Variants in MAPK10 observed in about 807,000 individuals in gnomAD.
MAPK10 encodes the protein JNK3 alpha protein kinase.
In MAPK10, 25 loss-of-function variants were observed where a neutral mutation model predicts 59.3. The observed-to-expected ratio is 0.42, with a 90% confidence interval of 0.31 to 0.59. The LOEUF (loss-of-function observed/expected upper bound fraction) is 0.59, where lower values mean the gene tolerates loss of function less well. Ranked by LOEUF, MAPK10 falls within the 20% of genes least tolerant of loss-of-function variation. The probability of loss-of-function intolerance (pLI) is 0.15; values close to 1 mark genes in which losing one functional copy is unlikely to be tolerated. For missense variants in MAPK10, 351 were observed against 568.9 expected, an observed-to-expected ratio of 0.62 and a Z score of 3.90; for synonymous variants, 190 against 200.5, an observed-to-expected ratio of 0.95 and a Z score of 0.44.
chr4:86,467,418 A>G (rs1752298506), intron 1 of MAPK10, among the ~76,000 whole-genome samples: 1 of 152,228 alleles, frequency 6.6e-6, no homozygotes. Context: ...TTTTGAAGCA[A>G]AAATGGCCAA....
At chr4:86,077,834 G>A (rs1299565876) in intron 9 of MAPK10, among the ~76,000 whole-genome samples, 1 of 152,066 alleles carries the variant, frequency 6.6e-6, no homozygotes, top group African/African-American at 2.4e-5. Flanking sequence ...TATCATGCAC[G>A]CCAAACAGCT....
At chr4:86,380,555 C>T (rs1740544466) in intron 1 of MAPK10, among the ~76,000 whole-genome samples, 1 of 152,176 alleles carries the variant, frequency 6.6e-6, no homozygotes, top group Non-Finnish European at 1.5e-5. Context: ...TTTCCAATCA[C>T]CAACCTTTAG....
chr4:86,534,775 A>C (rs1001949313), intron 1 of MAPK10, among the ~76,000 whole-genome samples: 1 of 152,014 alleles, frequency 6.6e-6, no homozygotes, highest in Non-Finnish European at 1.5e-5. Flanking sequence ...GCGTAGTGGC[A>C]CACACCTGTA....
chr4:86,517,294 G>C (rs1418097064), intron 1 of MAPK10, among the ~76,000 whole-genome samples: 2 of 14,664 alleles, frequency 1.4e-4, no homozygotes, highest in Non-Finnish European at 3.0e-4. Context: ...TTTTTTTTTT[G>C]AGACGGAGTC....
chr4:86,474,949 A>C (rs1055490108), intron 1 of MAPK10, among the ~76,000 whole-genome samples: 83 of 152,320 alleles, frequency 5.4e-4, no homozygotes, highest in Non-Finnish European at 9.8e-4. Context: ...CTTGCCTTAA[A>C]TGATGACATT....
chr4:86,361,702 T>G (rs1235822681), upstream of MAPK10, among the ~76,000 whole-genome samples: 1 of 151,974 alleles, frequency 6.6e-6, no homozygotes, highest in East Asian at 1.9e-4. Flanking sequence ...CTATTCAGAC[T>G]TATAAGAACA....
intron 1 of MAPK10, among the ~76,000 whole-genome samples, chr4:86,488,045 C>T (rs1754147347): frequency 6.6e-6 from 1 of 152,028 alleles, no homozygotes; most frequent in African/African-American, 2.4e-5. Context: ...AGAGGAGGCC[C>T]AGATGGGGAG....
rs2055283676 is a variant in MAPK10 at position 86,101,070 on chromosome 4, T to A, written c.712A>T (p.Met238Leu). Residue 238 changes from methionine to leucine, a missense_variant, in exon 8 of 14, where the codon ATG (methionine) becomes TTG (leucine). Transcript: ENST00000641462. ...YYRAPEVILG[M>L]GYKENVDIWS... is the part of the protein sequence containing the mutation. Reference sequence around the variant, plus strand: ...TCCCTACCGTTCTCCTTGTAGCCCATCCCCAGGATGACCTCAGGGGCTCTG... The same window carrying A: ...TCCCTACCGTTCTCCTTGTAGCCCAACCCCAGGATGACCTCAGGGGCTCTG... The A allele has an allele frequency of 6.2e-7, 1 of 1,613,644 alleles. No individual in the cohort carries two copies. Among genetic ancestry groups the A allele is most frequent in the African/African-American group, 1.3e-5 (1 of 74,872 alleles).
At chr4:86,471,353 T>C (rs1461704847) in intron 1 of MAPK10, among the ~76,000 whole-genome samples, 1 of 151,532 alleles carries the variant, frequency 6.6e-6, no homozygotes, top group African/African-American at 2.4e-5. Context: ...ATGGAGAAAT[T>C]ATCATTAAGG....
In MAPK10 at chr4:86,150,546, C is replaced by T. The variant is rs188019301; in HGVS notation, c.236+8752G>A. Among the ~76,000 whole-genome samples the T allele has an allele frequency of 2.1e-3, 326 of 152,306 alleles. 3 individuals carry two copies. The highest frequency in any genetic ancestry group is 7.4e-3 in the African/African-American group (309 of 41,564). On this transcript the variant is annotated intron_variant, in intron 4 of 13. Coordinates refer to ENST00000641462, the MANE Select transcript of MAPK10 (RefSeq NM_138982.4). ...GGTTGCCTCCCCAGAGCATCCTCCT[C>T]CACAGGGGTAATGTGATAGAATTGG...
At chr4:86,399,074 G>A (rs1193312616) in intron 1 of MAPK10, among the ~76,000 whole-genome samples, 7 of 152,282 alleles carry the variant, frequency 4.6e-5, no homozygotes, top group Middle Eastern at 6.8e-3. Flanking sequence ...ACACACATGC[G>A]TATGTCTTTT....
At chr4:86,035,136 C>T (rs1337459897) in intron 11 of MAPK10, among the ~76,000 whole-genome samples, 5 of 151,678 alleles carry the variant, frequency 3.3e-5, no homozygotes, top group African/African-American at 7.3e-5. Flanking sequence ...TCTGGGAGGC[C>T]GAGGTGGGTG....
chr4:86,509,912 T>C (rs1374563751), intron 1 of MAPK10, among the ~76,000 whole-genome samples: 1 of 152,230 alleles, frequency 6.6e-6, no homozygotes, highest in African/African-American at 2.4e-5. Context: ...ATTGTGTGCA[T>C]GTATATGTGT....
At chr4:86,219,446 A>T (rs531644220) in intron 2 of MAPK10, among the ~76,000 whole-genome samples, 24 of 152,210 alleles carry the variant, frequency 1.6e-4, no homozygotes, top group Non-Finnish European at 3.2e-4. Flanking sequence ...TAGTAAACTC[A>T]AATCACAATC....
chr4:86,418,309 C>A (rs773205352), intron 1 of MAPK10, among the ~76,000 whole-genome samples: 10 of 152,114 alleles, frequency 6.6e-5, no homozygotes, highest in Non-Finnish European at 2.9e-5. Flanking sequence ...AAATCACCAT[C>A]AAAAATGTTG....
chr4:86,448,480 A>T (rs561926812), intron 1 of MAPK10, among the ~76,000 whole-genome samples: 1 of 152,076 alleles, frequency 6.6e-6, no homozygotes, highest in African/African-American at 2.4e-5. Flanking sequence ...ATCCAAGAAC[A>T]TAATATGTCT....
intron 1 of MAPK10, among the ~76,000 whole-genome samples, chr4:86,559,404 T>C (rs903475121): frequency 2.0e-5 from 3 of 152,184 alleles, no homozygotes; most frequent in African/African-American, 7.2e-5. Context: ...GGATTCCTTA[T>C]GCTGTTTGGT....
chr4:86,140,449 C>T (rs1213742913), intron 4 of MAPK10, among the ~76,000 whole-genome samples: 1 of 143,536 alleles, frequency 7.0e-6, no homozygotes, highest in Non-Finnish European at 1.5e-5. Flanking sequence ...AACCAAACAC[C>T]GCATGTTCTC....
intron 1 of MAPK10, among the ~76,000 whole-genome samples, chr4:86,576,380 G>T (rs184872681): frequency 6.6e-6 from 1 of 152,128 alleles, no homozygotes; most frequent in Non-Finnish European, 1.5e-5. Context: ...ATACTAAACC[G>T]GGGTGGGGGT....
Sources: allele counts gnomAD v4.1 joint callset (sites outside exome capture counted in the v4.1 genomes callset), GRCh38; gene constraint gnomAD v4.1.1; transcripts MANE v1.5; gene names NCBI Gene and HGNC (gene_info 2026-07-23, HGNC 2026-07-21).